The following NR3C1 variants were observed in gnomAD, a reference collection of about 807,000 sequenced individuals.
The protein encoded by NR3C1 is nuclear receptor subfamily 3 group C member 1.
In NR3C1, 14 loss-of-function variants were observed where a neutral mutation model predicts 74.0. The observed-to-expected ratio is 0.19, with a 90% CI of 0.12 to 0.30. The LOEUF (loss-of-function observed/expected upper bound fraction) is 0.30. Ranked by LOEUF, NR3C1 falls within the 10% of genes least tolerant of loss-of-function variation. The pLI is 1.00. For missense variants in NR3C1, 695 were observed against 909.8 expected (o/e 0.76, Z 3.04); for synonymous variants, 308 against 332.5 (o/e 0.93, Z 0.80).
At chr5:143,381,149 G>A (rs1836153836) in intron 2 of NR3C1, among the ~76,000 whole-genome samples, 1 of 151,786 alleles carries the variant, frequency 6.6e-6, no homozygotes, top group Admixed American at 6.6e-5. Context: ...TGCCAACAGA[G>A]GACAATCTAA....
At chr5:143,330,328 T>C (rs756122786) in intron 2 of NR3C1, among the ~76,000 whole-genome samples, 1 of 152,338 alleles carries the variant, frequency 6.6e-6, no homozygotes, top group East Asian at 1.9e-4. Context: ...GCTACTGTTG[T>C]AGTGGGAGAT....
intron 1 of NR3C1, among the ~76,000 whole-genome samples, chr5:143,423,347 A>G (rs1321581809): frequency 6.6e-6 from 1 of 152,230 alleles, no homozygotes; most frequent in Non-Finnish European, 1.5e-5. Context: ...CGAATGGCCA[A>G]AAATACTCAA....
Position 143,280,354 on chromosome 5 carries a change from T to TAAC in NR3C1, c.*1532_*1534dup, listed in dbSNP as rs1475234423. 1 of 152,576 alleles carries TAAC rather than the reference T, an allele frequency of 6.6e-6. No individual in the cohort carries two copies. The highest frequency in any genetic ancestry group is 1.9e-4 in the East Asian group (1 of 5,196). The allele number at this position is 152,576 out of a possible 1,614,324, so 9.5% of individuals were successfully genotyped here. ...CCAATATGATATATATCTGAAACTA[T>TAAC]AACTAAATATAAAAATATATTAGAA... is the stretch of plus-strand genomic sequence containing the variant. On this transcript the variant is annotated 3_prime_UTR_variant, in exon 9 of 9. Coordinates refer to ENST00000394464, the MANE Select transcript of NR3C1 (RefSeq NM_000176.3).
intron 2 of NR3C1, among the ~76,000 whole-genome samples, chr5:143,333,996 C>T (rs12187680): frequency 2.0e-5 from 3 of 152,234 alleles, no homozygotes; most frequent in South Asian, 2.1e-4. Context: ...TGGAAGCATG[C>T]GTTTTGTTGT....
Position 143,434,220 on chromosome 5 carries a change from T to C in NR3C1, c.-14+312A>G, listed in dbSNP as rs1340389293. 3.3e-5 allele frequency among the ~76,000 whole-genome samples: 5 copies of C among 152,364 alleles called. No homozygotes were observed. The East Asian group carries it at 9.6e-4, about 29-fold the overall frequency. On this transcript the variant is annotated intron_variant, in intron 1 of 8. Coordinates refer to the NR3C1 transcript ENST00000343796. ...TATATATATTTTAAAACGCGTTGTC[T>C]CGTTCTCCTTTCTAGTTGGAAGCTC...
chr5:143,341,595 G>C (rs919986797), intron 2 of NR3C1, among the ~76,000 whole-genome samples: 1 of 152,182 alleles, frequency 6.6e-6, no homozygotes, highest in Non-Finnish European at 1.5e-5. Flanking sequence ...TGCCAAAACT[G>C]TTCTAACAGA....
chr5:143,351,971 A>C (rs1241980216), intron 2 of NR3C1, among the ~76,000 whole-genome samples: 1 of 152,206 alleles, frequency 6.6e-6, no homozygotes, highest in Non-Finnish European at 1.5e-5. Flanking sequence ...ACCTATAACA[A>C]ATTTAAGAGA....
chr5:143,294,813 G>A (rs1053876038), intron 7 of NR3C1: 1 of 618,172 alleles, frequency 1.6e-6, no homozygotes, highest in African/African-American at 2.0e-5. Flanking sequence ...TTCATGGCTT[G>A]ACAGCTTATT....
intron 7 of NR3C1, among the ~76,000 whole-genome samples, chr5:143,291,945 G>A (rs1305543793): frequency 6.6e-6 from 1 of 152,146 alleles, no homozygotes; most frequent in Non-Finnish European, 1.5e-5. Flanking sequence ...TGTCATATCT[G>A]AGGACTGCTT....
At chr5:143,399,527 C>A (rs1839842990) in intron 2 of NR3C1, 129 bp downstream of exon 2, 11 of 752,888 alleles carry the variant, frequency 1.5e-5, no homozygotes. Flanking sequence ...TTTCAAAAGG[C>A]CACTTAAACT....
chr5:143,408,458 A>G (rs888973973), upstream of NR3C1, among the ~76,000 whole-genome samples: 1 of 152,212 alleles, frequency 6.6e-6, no homozygotes, highest in African/African-American at 2.4e-5. Context: ...AACAAAGTAG[A>G]ACAAGAAATT....
intron 3 of NR3C1, among the ~76,000 whole-genome samples, chr5:143,312,529 A>G (rs1221843259): frequency 2.0e-5 from 3 of 152,144 alleles, no homozygotes; most frequent in Non-Finnish European, 4.4e-5. Context: ...AAAGTGCAAC[A>G]ACTTGCTGAT....
intron 2 of NR3C1, among the ~76,000 whole-genome samples, chr5:143,354,512 TGA>T (rs892573379): frequency 5.3e-5 from 8 of 152,160 alleles, no homozygotes; most frequent in African/African-American, 1.9e-4. Context: ...CTCAGGGATT[TGA>T]GAGTCCCAGG....
intron 2 of NR3C1, among the ~76,000 whole-genome samples, chr5:143,345,446 G>C (rs1829095081): frequency 6.6e-6 from 1 of 152,196 alleles, no homozygotes; most frequent in Non-Finnish European, 1.5e-5. Context: ...CTGACCTCCA[G>C]TGACCCGCCT....
At chr5:143,355,535 G>C (rs2151800451) in intron 2 of NR3C1, among the ~76,000 whole-genome samples, 1 of 152,010 alleles carries the variant, frequency 6.6e-6, no homozygotes, top group South Asian at 2.1e-4. Context: ...CAAAACTCTT[G>C]GTTTCTAAAT....
chr5:143,372,535 A>G (rs1156464803), intron 2 of NR3C1, among the ~76,000 whole-genome samples: 4 of 152,228 alleles, frequency 2.6e-5, no homozygotes, highest in African/African-American at 9.6e-5. Context: ...TAATATTTTC[A>G]GAACACAGTT....
rs1046804882 is a variant in NR3C1, at chr5:143,333,346, T to A, written c.1185-19178A>T. 8 of 653,664 alleles carry A rather than the reference T, an allele frequency of 1.2e-5. No homozygotes were observed. In the African/African-American group the frequency reaches 1.3e-4, roughly 10 times the overall value. The allele number at this position is 653,664 out of a possible 1,614,324, so 40.5% of individuals were successfully genotyped here. A position where few individuals can be genotyped will look rare whatever the true frequency, so the allele number is the denominator to read the frequency against. ...CATTTACTAGTATTTAAGAGTAACC[T>A]TGAGATTGGGAGGAAAGAGGAGGCT... On this transcript the variant is annotated intron_variant, in intron 2 of 8. Transcript: ENST00000394464.
In NR3C1 at chr5:143,388,400, T is replaced by C. The variant is rs10477209; in HGVS notation, c.1184+11256A>G. Among the ~76,000 whole-genome samples, 666 of 152,312 alleles carry C rather than the reference T, an allele frequency of 4.4e-3. 2 individuals are homozygous for C. Among genetic ancestry groups the C allele is most frequent in the African/African-American group, 0.015 (634 of 41,568 alleles). ...TATAATCCATTCCTATATATCTTTT[T>C]GGTTTATATGTTAAATTTTGTTTAT... On this transcript the variant is annotated intron_variant, in intron 2 of 8. Coordinates refer to ENST00000394464, the MANE Select transcript of NR3C1 (RefSeq NM_000176.3).
At chr5:143,312,862 T>G (rs1427228612) in intron 3 of NR3C1, among the ~76,000 whole-genome samples, 1 of 152,226 alleles carries the variant, frequency 6.6e-6, no homozygotes, top group Middle Eastern at 3.2e-3. Context: ...AACATCCACT[T>G]TATTAGGAGC....
Sources: allele counts gnomAD v4.1 joint callset (sites outside exome capture counted in the v4.1 genomes callset), GRCh38; gene constraint gnomAD v4.1.1; transcripts MANE v1.5; gene names NCBI Gene and HGNC (gene_info 2026-07-23, HGNC 2026-07-21).